DOCK11: variants seen among roughly 807,000 people sequenced by gnomAD.
The protein encoded by DOCK11 is dedicator of cytokinesis 11.
Under a neutral mutation model 169.1 loss-of-function variants are expected in DOCK11, and 70 were observed. The ratio of observed to expected loss-of-function variants is 0.41; its 90% CI spans 0.34 to 0.51. The LOEUF (loss-of-function observed/expected upper bound fraction) is 0.51. Among genes scored for constraint, DOCK11 ranks in the 20% least tolerant of loss-of-function variants. The pLI is 0.10. For missense variants in DOCK11, 1,166 were observed against 1,538.8 expected, an observed-to-expected ratio of 0.76 and a Z score of 4.05; for synonymous variants, 529 against 541.3, an observed-to-expected ratio of 0.98 and a Z score of 0.32.
chrX:118,595,411 A>G (rs1467319170), intron 20 of DOCK11, among the ~76,000 whole-genome samples: 1 of 111,818 alleles, frequency 8.9e-6, no homozygotes, highest in East Asian at 2.8e-4. Flanking sequence ...ACATCAGTTG[A>G]GTTTTAGGTG....
chrX:118,515,802 A>G (rs1486309095), intron 1 of DOCK11, among the ~76,000 whole-genome samples: 1 of 107,298 alleles, frequency 9.3e-6, no homozygotes, highest in Non-Finnish European at 1.9e-5. Context: ...CTTAGTAGTC[A>G]GTGCCAGAGG....
intron 18 of DOCK11, among the ~76,000 whole-genome samples, chrX:118,589,954 A>G (rs1222032877): frequency 8.9e-6 from 1 of 112,476 alleles, no homozygotes; most frequent in Non-Finnish European, 1.9e-5. Context: ...TCAGCTCCTT[A>G]CTGTCAACTA....
intron 1 of DOCK11, among the ~76,000 whole-genome samples, chrX:118,507,322 GT>G (rs1251593880): frequency 5.4e-5 from 6 of 111,104 alleles, no homozygotes; most frequent in Admixed American, 9.7e-5. Flanking sequence ...TATTTGAAGT[GT>G]TTCAGTGAAG....
intron 6 of DOCK11, among the ~76,000 whole-genome samples, chrX:118,557,681 G>A (rs1012749013): frequency 5.0e-5 from 5 of 100,504 alleles, no homozygotes; most frequent in African/African-American, 1.1e-4. Context: ...GGAGAATGGC[G>A]TGAACCCAGG....
intron 48 of DOCK11, 28 bp downstream of exon 48, chrX:118,676,765 ATTAT>A (rs771160650): frequency 1.7e-6 from 2 of 1,152,307 alleles, no homozygotes; most frequent in Non-Finnish European, 2.3e-6. Flanking sequence ...TGTTGAAATC[ATTAT>A]TTGTTAGTTC....
At chrX:118,633,996 A>G (rs975807635) in intron 35 of DOCK11, 2 of 112,601 alleles carry the variant, frequency 1.8e-5, no homozygotes, top group Non-Finnish European at 3.7e-5. Flanking sequence ...GTCATTGAAC[A>G]GCAGTCACAG....
chrX:118,574,024 G>A lies in DOCK11; in HGVS notation c.1389+6G>A, dbSNP rs763368376. On this transcript the variant is annotated splice_donor_region_variant and intron_variant, in intron 12 of 52. Transcript: ENST00000276202. Reference sequence around the variant, plus strand: ...AGTTACGCTACATACAACAGGTAACGAATGACCTTTAGTCTTAGCAGCGTA... The same window carrying A: ...AGTTACGCTACATACAACAGGTAACAAATGACCTTTAGTCTTAGCAGCGTA... The A allele has an allele frequency of 2.5e-5, 30 of 1,199,904 alleles. No individual in the cohort carries two copies. Among genetic ancestry groups the A allele is most frequent in the Admixed American group, 4.4e-5 (2 of 45,610 alleles).
chrX:118,618,865 G>GT (rs1437580248), intron 31 of DOCK11, 137 bp downstream of exon 31: 8,314 of 422,227 alleles, frequency 0.02, no homozygotes, highest in Non-Finnish European at 0.022. Context: ...ATCATAAGTT[G>GT]TTTTTTTTTT....
At chrX:118,579,593 T>A (rs1449841066) in intron 13 of DOCK11, among the ~76,000 whole-genome samples, 2 of 111,652 alleles carry the variant, frequency 1.8e-5, no homozygotes, top group Non-Finnish European at 3.8e-5. Flanking sequence ...GCATTTCGAG[T>A]CTGTTTAGAC....
intron 24 of DOCK11, among the ~76,000 whole-genome samples, chrX:118,607,736 T>C (rs1191181416): frequency 9.0e-6 from 1 of 111,705 alleles, no homozygotes; most frequent in Non-Finnish European, 1.9e-5. Flanking sequence ...CTAGAGGAGA[T>C]CTCAATATTT....
chrX:118,496,894 G>T (rs2057542319), intron 1 of DOCK11, among the ~76,000 whole-genome samples: 1 of 111,255 alleles, frequency 9.0e-6, no homozygotes, highest in Non-Finnish European at 1.9e-5. Flanking sequence ...AGGACTGGGG[G>T]ATGGGGATTC....
chrX:118,635,597 A>T (rs778408558), intron 35 of DOCK11, among the ~76,000 whole-genome samples: 103 of 110,844 alleles, frequency 9.3e-4, no homozygotes, highest in African/African-American at 3.2e-3. Context: ...TATTTTTATT[A>T]TTTTTTTTGA....
chrX:118,643,407 G>C, intron 39 of DOCK11, 50 bp from the exon 40 acceptor site: 3 of 1,146,538 alleles, frequency 2.6e-6, no homozygotes, highest in East Asian at 6.1e-5. Context: ...GGTGAAATCA[G>C]TTCTGTCATT....
rs751725571 is a variant in DOCK11 at position 118,645,661 on chromosome X, CA to C, written c.4398+2075del. On this transcript the variant is annotated intron_variant, in intron 40 of 52. Transcript: ENST00000276202. ...TGGGTGACAGGGCAAGATTTCGTCT[CA>C]AAAAAAAGAATTCATAATTATTATA... Among the ~76,000 whole-genome samples the C allele has an allele frequency of 7.5e-5, 8 of 106,384 alleles. No individual in the cohort carries two copies. In the East Asian group the frequency reaches 2.1e-3, roughly 28 times the overall value. The allele number at this position is 106,384 out of a possible 115,157, so 92.4% of individuals were successfully genotyped here.
At chrX:118,644,873 TAAGGACTGGGGAAAATCTCTTTAA>T (rs1001086894) in intron 40 of DOCK11, among the ~76,000 whole-genome samples, 3 of 111,574 alleles carry the variant, frequency 2.7e-5, no homozygotes. Flanking sequence ...AGGGAATTGG[TAAGGACTGGGGAAAATCTCTTTAA>T]AAGTTGTGTT....
chrX:118,552,187 C>T (rs1603055396), intron 6 of DOCK11, among the ~76,000 whole-genome samples: 1 of 111,659 alleles, frequency 9.0e-6, no homozygotes, highest in Admixed American at 9.5e-5. Context: ...TAGAAGATTC[C>T]AACTTTATAA....
chrX:118,630,291 A>G, intron 34 of DOCK11, 88 bp from the exon 35 acceptor site: 1 of 526,751 alleles, frequency 1.9e-6, no homozygotes, highest in Non-Finnish European at 3.1e-6. Flanking sequence ...ATTTTCCCAA[A>G]CAGATCTAAT....
intron 10 of DOCK11, among the ~76,000 whole-genome samples, chrX:118,568,773 A>G (rs757290563): frequency 3.5e-4 from 39 of 110,910 alleles, no homozygotes; most frequent in Non-Finnish European, 7.0e-4. Context: ...ATTTAAGTCT[A>G]TGACATTTTC....
chrX:118,598,448 T>G lies in DOCK11; in HGVS notation c.2472+332T>G, dbSNP rs747367273. On this transcript the variant is annotated intron_variant, in intron 22 of 52. Transcript: ENST00000276202. ...TCAAATATTATAATTCCTCTCAAAT[T>G]ACATGATCTTTTAATTCTCATTAAC... 2.7e-5 allele frequency among the ~76,000 whole-genome samples: 3 copies of G among 110,475 alleles called. No individual in the cohort carries two copies. The East Asian group carries it at 8.5e-4, about 31-fold the overall frequency.
Sources: allele counts gnomAD v4.1 joint callset (sites outside exome capture counted in the v4.1 genomes callset), GRCh38; gene constraint gnomAD v4.1.1; transcripts MANE v1.5; gene names NCBI Gene and HGNC (gene_info 2026-07-23, HGNC 2026-07-21).